The following GPC5 variants were observed in gnomAD, a reference collection of about 807,000 sequenced individuals.
The protein encoded by GPC5 is glypican 5.
GPC5 carries 47 observed loss-of-function variants against 53.9 expected under a neutral mutation model. The ratio of observed to expected loss-of-function variants is 0.87; its 90% CI spans 0.69 to 1.11. The LOEUF is 1.11. GPC5 is among the 50% of genes most tolerant of loss of function. The pLI, the probability that GPC5 is intolerant of heterozygous loss-of-function variation, is 0.00. For synonymous variants in GPC5, 286 were observed against 263.3 expected, an observed-to-expected ratio of 1.09 and a Z score of -0.84; for missense variants, 748 against 713.1, an observed-to-expected ratio of 1.05 and a Z score of -0.56.
chr13:92,542,097 G>A lies in GPC5; in HGVS notation c.1562-324185G>A, dbSNP rs114883476. Among the ~76,000 whole-genome samples, 540 of 152,046 alleles carry A rather than the reference G, an allele frequency of 3.6e-3. 1 individual carries two copies. Among genetic ancestry groups the A allele is most frequent in the African/African-American group, 0.012 (503 of 41,512 alleles). ...TATATAATCTGGAATAAAGCATAAT[G>A]TATCAATAGCTTTATACCATGTGTA... On this transcript the variant is annotated intron_variant, in intron 7 of 7. Transcript: ENST00000377067.
At chr13:92,235,767 T>C (rs896881062) in intron 7 of GPC5, among the ~76,000 whole-genome samples, 16 of 152,224 alleles carry the variant, frequency 1.1e-4, no homozygotes, top group African/African-American at 3.4e-4. Context: ...GATCACAGTT[T>C]ATTGTTGCTT....
Position 91,399,110 on chromosome 13 carries a change from G to A in GPC5, c.64G>A (p.Ala22Thr), listed in dbSNP as rs1323133060. The change falls in exon 1 of 8, where the codon GCC becomes ACC. Residue 22 changes from alanine (A) to threonine (T), a missense_variant. Ala to Thr is a moderately conservative substitution (Grantham distance 58). Coordinates refer to ENST00000377067, the MANE Select transcript of GPC5 (RefSeq NM_004466.6). ...CCTCCTTCTGGCCCTGGTTGGGTCCGCCCGCAGCGAGGGCGTGCAGACCTG... is the reference window on the plus strand; with the variant it reads ...CCTCCTTCTGGCCCTGGTTGGGTCCACCCGCAGCGAGGGCGTGCAGACCTG... ...CLLLLALVGSARSEGVQTCEE... is the reference protein window; with the variant it reads ...CLLLLALVGSTRSEGVQTCEE... 8 of 1,605,154 alleles carry A rather than the reference G, an allele frequency of 5.0e-6. No individual in the cohort carries two copies. Among genetic ancestry groups the A allele is most frequent in the East Asian group, 2.3e-5 (1 of 44,400 alleles).
intron 6 of GPC5, among the ~76,000 whole-genome samples, chr13:92,140,301 C>G (rs1290550718): frequency 6.6e-6 from 1 of 152,122 alleles, no homozygotes; most frequent in Admixed American, 6.5e-5. Context: ...TGTTTAGATA[C>G]AATTTACAAG....
At position 92,341,342 on chromosome 13, in the gene GPC5, C is replaced by T. The variant is rs77885509; in HGVS notation, c.1561+196353C>T. ...ACTGGGACTAATCTTTAAAGGCATA[C>T]TGTTGTATCATATATTGTCAACTTC... On this transcript the variant is annotated intron_variant, in intron 7 of 7. Transcript: ENST00000377067. 3.3e-3 allele frequency among the ~76,000 whole-genome samples: 509 copies of T among 152,122 alleles called. 4 individuals are homozygous for T. Among genetic ancestry groups the T allele is most frequent in the African/African-American group, 0.012 (481 of 41,534 alleles).
intron 7 of GPC5, among the ~76,000 whole-genome samples, chr13:92,201,033 C>T (rs1293636253): frequency 2.0e-5 from 3 of 151,618 alleles, no homozygotes; most frequent in South Asian, 4.2e-4. Flanking sequence ...GAGGTTACGC[C>T]TTCTCTCTCT....
intron 7 of GPC5, among the ~76,000 whole-genome samples, chr13:92,484,443 A>AT (rs1433645778): frequency 1.3e-5 from 2 of 152,204 alleles, no homozygotes; most frequent in African/African-American, 4.8e-5. Flanking sequence ...ATTATGTACT[A>AT]TACATAATCA....
At chr13:91,734,491 C>T (rs2036772193) in intron 4 of GPC5, among the ~76,000 whole-genome samples, 1 of 151,384 alleles carries the variant, frequency 6.6e-6, no homozygotes, top group South Asian at 2.1e-4. Context: ...TTTAGACTCA[C>T]AGGATAATGG....
At chr13:92,837,456 C>T (rs904320868) in intron 7 of GPC5, among the ~76,000 whole-genome samples, 1 of 152,130 alleles carries the variant, frequency 6.6e-6, no homozygotes, top group Non-Finnish European at 1.5e-5. Context: ...GCAGATTTAA[C>T]TTGCCCTTTA....
chr13:91,723,333 A>C (rs990009662), intron 3 of GPC5, among the ~76,000 whole-genome samples: 1 of 151,852 alleles, frequency 6.6e-6, no homozygotes, highest in African/African-American at 2.4e-5. Context: ...TTATGATTTC[A>C]TCTATTTGCA....
chr13:92,396,716 C>T (rs755021842), intron 7 of GPC5, among the ~76,000 whole-genome samples: 1 of 152,078 alleles, frequency 6.6e-6, no homozygotes, highest in Non-Finnish European at 1.5e-5. Flanking sequence ...GTTATCTTGC[C>T]TTTTACATGC....
chr13:91,895,930 C>T (rs766264635), intron 5 of GPC5, among the ~76,000 whole-genome samples: 12 of 152,074 alleles, frequency 7.9e-5, no homozygotes, highest in Middle Eastern at 3.4e-3. Flanking sequence ...TTTCTCACCT[C>T]TTTGAGCTCT....
chr13:91,869,305 C>T (rs1024864538), intron 5 of GPC5, among the ~76,000 whole-genome samples: 5 of 151,948 alleles, frequency 3.3e-5, no homozygotes, highest in Admixed American at 1.3e-4. Context: ...ATGATCCACC[C>T]GCCTCAGCCT....
intron 5 of GPC5, among the ~76,000 whole-genome samples, chr13:91,830,089 T>C (rs1854987): frequency 0.61 from 92,318 of 151,756 alleles, 28,594 homozygotes; most frequent in East Asian, 0.95. Flanking sequence ...CTATGGGAGA[T>C]GGGGGTCTAT....
chr13:92,372,222 A>G (rs901062013), intron 7 of GPC5, among the ~76,000 whole-genome samples: 1 of 152,196 alleles, frequency 6.6e-6, no homozygotes, highest in Non-Finnish European at 1.5e-5. Context: ...GTGTTTTAAG[A>G]GGCTAAATTT....
At chr13:92,671,244 C>A (rs1287627707) in intron 7 of GPC5, among the ~76,000 whole-genome samples, 1 of 152,088 alleles carries the variant, frequency 6.6e-6, no homozygotes, top group Non-Finnish European at 1.5e-5. Context: ...CAAGACCAGC[C>A]TTGAAGGGAA....
chr13:91,571,991 GTA>G (rs1373867972), intron 2 of GPC5, among the ~76,000 whole-genome samples: 5 of 130,156 alleles, frequency 3.8e-5, no homozygotes, highest in Non-Finnish European at 7.7e-5. Context: ...GTATATATGT[GTA>G]TATGTGTATA....
At chr13:92,021,991 T>C in intron 6 of GPC5, among the ~76,000 whole-genome samples, 1 of 152,068 alleles carries the variant, frequency 6.6e-6, no homozygotes, top group East Asian at 1.9e-4. Flanking sequence ...TTTTGTTATT[T>C]ATTTTATTGT....
chr13:92,809,171 A>G (rs534735414), intron 7 of GPC5, among the ~76,000 whole-genome samples: 1 of 152,300 alleles, frequency 6.6e-6, no homozygotes, highest in African/African-American at 2.4e-5. Context: ...ATTATTATGT[A>G]TGAAAGAATA....
chr13:92,082,960 G>A (rs1265270595), intron 6 of GPC5, among the ~76,000 whole-genome samples: 3 of 152,104 alleles, frequency 2.0e-5, no homozygotes, highest in Admixed American at 6.6e-5. Flanking sequence ...TTTTTCATAC[G>A]TATTCTGAAA....
Sources: allele counts gnomAD v4.1 joint callset (sites outside exome capture counted in the v4.1 genomes callset), GRCh38; gene constraint gnomAD v4.1.1; transcripts MANE v1.5; gene names NCBI Gene and HGNC (gene_info 2026-07-23, HGNC 2026-07-21).